Variants in DLG5 observed in about 807,000 individuals in gnomAD.
DLG5 encodes the protein disks large homolog 5.
In DLG5, 48 loss-of-function variants were observed where a neutral mutation model predicts 189.8. The observed-to-expected ratio is 0.25, with a 90% confidence interval of 0.20 to 0.32. The LOEUF (loss-of-function observed/expected upper bound fraction) is 0.32, where lower values mean the gene tolerates loss of function less well. DLG5 is among the 10% of genes least tolerant of loss of function. The probability of loss-of-function intolerance (pLI) is 1.00; values close to 1 mark genes in which losing one functional copy is unlikely to be tolerated. For missense variants in DLG5, 2,160 were observed against 2,544.7 expected, an observed-to-expected ratio of 0.85 and a Z score of 3.25; for synonymous variants, 1,016 against 1,054.1, an observed-to-expected ratio of 0.96 and a Z score of 0.70.
At chr10:77,815,660 T>A (rs1842013999) in intron 20 of DLG5, among the ~76,000 whole-genome samples, 1 of 151,994 alleles carries the variant, frequency 6.6e-6, no homozygotes, top group African/African-American at 2.4e-5. Context: ...AAACTCTGTC[T>A]CAAAAAAAAA....
At chr10:77,835,379 T>A (rs111769515) in intron 8 of DLG5, among the ~76,000 whole-genome samples, 1 of 152,178 alleles carries the variant, frequency 6.6e-6, no homozygotes, top group African/African-American at 2.4e-5. Context: ...TCTAAGACCC[T>A]GGCACACAGT....
intron 2 of DLG5, among the ~76,000 whole-genome samples, chr10:77,858,407 G>A (rs1044063344): frequency 8.5e-5 from 13 of 152,212 alleles, no homozygotes; most frequent in Non-Finnish European, 1.5e-5. Context: ...GGCCAAGGCA[G>A]ACGGATCCCT....
chr10:77,834,110 T>A, intron 8 of DLG5, 71 bp from the exon 9 acceptor site: 1 of 1,548,594 alleles, frequency 6.5e-7, no homozygotes, highest in Non-Finnish European at 8.7e-7. Flanking sequence ...CTGCAGCGGA[T>A]GGTCTGGCCA....
chr10:77,802,843 C>A (rs2579143), intron 27 of DLG5, among the ~76,000 whole-genome samples: 1 of 152,060 alleles, frequency 6.6e-6, no homozygotes, highest in Admixed American at 6.5e-5. Flanking sequence ...GAGGTTGCAG[C>A]GAGCCGAGAT....
chr10:77,805,440 G>T (rs112491025), intron 27 of DLG5, among the ~76,000 whole-genome samples: 1,600 of 152,284 alleles, frequency 0.011, 27 homozygotes, highest in African/African-American at 0.036. Flanking sequence ...GGACATGATG[G>T]CTGCAGCTGC....
At chr10:77,825,374 CCACACACA>C (rs59102694) in intron 13 of DLG5, among the ~76,000 whole-genome samples, 267 of 130,892 alleles carry the variant, frequency 2.0e-3, no homozygotes, top group Admixed American at 7.7e-3. Context: ...CCACACACAA[CCACACACA>C]CACACACACA....
chr10:77,911,085 C>A (rs1337728118), intron 1 of DLG5, among the ~76,000 whole-genome samples: 1 of 150,262 alleles, frequency 6.7e-6, no homozygotes, highest in Non-Finnish European at 1.5e-5. Context: ...ACCATGAATA[C>A]TGAAAAGGCC....
At chr10:77,886,116 T>C (rs937912139) in intron 1 of DLG5, among the ~76,000 whole-genome samples, 1 of 152,170 alleles carries the variant, frequency 6.6e-6, no homozygotes, top group Admixed American at 6.5e-5. Context: ...TTAAAAATGC[T>C]GGAAAAAAAT....
the DLG5 span, among the ~76,000 whole-genome samples, chr10:77,934,369 C>T: frequency 1.5e-5 from 1 of 66,688 alleles, no homozygotes; most frequent in Admixed American, 2.0e-4. Context: ...GAAACTCCAT[C>T]TCAAAAAAAA....
At chr10:77,871,454 T>G (rs1844893924) in intron 1 of DLG5, among the ~76,000 whole-genome samples, 1 of 151,786 alleles carries the variant, frequency 6.6e-6, no homozygotes, top group Non-Finnish European at 1.5e-5. Context: ...CTCCCATATC[T>G]GAAGTCCAAC....
chr10:77,877,297 C>T (rs1471867916), intron 1 of DLG5, among the ~76,000 whole-genome samples: 1 of 135,178 alleles, frequency 7.4e-6, no homozygotes, highest in African/African-American at 3.0e-5. Flanking sequence ...TGGTCTTTTT[C>T]TTTACTTTTT....
chr10:77,809,299 G>C (rs1320237209), intron 24 of DLG5, among the ~76,000 whole-genome samples: 1 of 146,836 alleles, frequency 6.8e-6, no homozygotes, highest in Admixed American at 6.8e-5. Context: ...CCAGCTACTC[G>C]GAAGGCTGAG....
At chr10:77,877,377 A>G (rs1331397051) in intron 1 of DLG5, among the ~76,000 whole-genome samples, 2 of 152,052 alleles carry the variant, frequency 1.3e-5, no homozygotes, top group Non-Finnish European at 2.9e-5. Flanking sequence ...CACATAAAGG[A>G]AAGATGGAAG....
In DLG5 at chr10:77,843,489, G is replaced by A. The variant is rs139351922; in HGVS notation, c.1082C>T (p.Thr361Met). 818 of 1,613,978 alleles carry A rather than the reference G, an allele frequency of 5.1e-4. No homozygotes were observed. The highest frequency in any genetic ancestry group is 6.2e-4 in the Non-Finnish European group (735 of 1,180,054). The stretch of plus-strand genomic sequence containing the variant: ...GCACTGGTGCTGCAGCTGGATGGCC[G>A]TGTCCCTCTGCTGGGTCAGCATCTC... ...QTEMLTQQRD[T>M]AIQLQHQCAL... is the part of the protein sequence containing the mutation. The change falls in exon 6 of 32, where the codon ACG becomes ATG. Residue 361 changes from threonine to methionine, a missense_variant. Coordinates refer to ENST00000372391, the MANE Select transcript of DLG5 (RefSeq NM_004747.4).
chr10:77,900,076 T>C (rs559665769), intron 1 of DLG5, among the ~76,000 whole-genome samples: 1 of 152,298 alleles, frequency 6.6e-6, no homozygotes, highest in Admixed American at 6.5e-5. Context: ...AGTGTATATA[T>C]ATTATATCAT....
intron 13 of DLG5, among the ~76,000 whole-genome samples, chr10:77,827,327 G>C (rs1162039960): frequency 2.0e-5 from 3 of 152,118 alleles, no homozygotes. Flanking sequence ...CCAGGTTCAA[G>C]TGATTCTCCT....
chr10:77,901,131 A>C (rs1403981011), intron 1 of DLG5, among the ~76,000 whole-genome samples: 2 of 151,370 alleles, frequency 1.3e-5, no homozygotes, highest in African/African-American at 4.8e-5. Context: ...AAAAAAAAAA[A>C]GAAAAGAGAA....
intron 1 of DLG5, among the ~76,000 whole-genome samples, chr10:77,907,240 C>G (rs2131823292): frequency 6.6e-6 from 1 of 152,154 alleles, no homozygotes; most frequent in Admixed American, 6.5e-5. Flanking sequence ...GGCTCCTGCC[C>G]CCCTATGCCA....
In DLG5 at chr10:77,796,732, G is replaced by A. The variant is rs768375472; in HGVS notation, c.5165-138C>T. ...CCAGCTTCAGCACTGAAAATCTCGT[G>A]TCCCAGGCACAACCGGGCATCGTCA... is the stretch of plus-strand genomic sequence containing the variant. On this transcript the variant is annotated intron_variant, in intron 27 of 31. Coordinates refer to ENST00000372391, the MANE Select transcript of DLG5 (RefSeq NM_004747.4). The surrounding 1 kb of genome is among the most constrained non-coding windows in gnomAD (Gnocchi z 5.2). 1 of 1,107,780 alleles carries A rather than the reference G, an allele frequency of 9.0e-7. No individual in the cohort carries two copies. The highest frequency in any genetic ancestry group is 1.3e-6 in the Non-Finnish European group (1 of 773,844). The allele number at this position is 1,107,780 out of a possible 1,614,324, so 68.6% of individuals were successfully genotyped here.
Sources: allele counts gnomAD v4.1 joint callset (sites outside exome capture counted in the v4.1 genomes callset), GRCh38; gene constraint gnomAD v4.1.1; non-coding constraint Gnocchi (gnomAD v3.1); transcripts MANE v1.5; gene names NCBI Gene and HGNC (gene_info 2026-07-23, HGNC 2026-07-21).